The following YAF2 variants were observed in gnomAD, a reference collection of about 807,000 sequenced individuals.
YAF2 encodes the protein YY1-associated factor 2.
Under a neutral mutation model 20.1 loss-of-function variants are expected in YAF2, and 7 were observed. That is an observed-to-expected ratio of 0.35 (90% CI 0.20 to 0.65). The LOEUF (loss-of-function observed/expected upper bound fraction) is 0.65. Ranked by LOEUF, YAF2 falls within the 30% of genes least tolerant of loss-of-function variation. The pLI is 0.69. For missense variants in YAF2, 151 were observed against 219.2 expected (o/e 0.69, Z 1.96); for synonymous variants, 74 against 76.0 (o/e 0.97, Z 0.14).
chr12:42,187,769 T>C (rs367820744), intron 2 of YAF2, among the ~76,000 whole-genome samples: 16 of 152,358 alleles, frequency 1.1e-4, no homozygotes, highest in Middle Eastern at 6.8e-3. Flanking sequence ...ATCTCTTGCA[T>C]TCATGCCTTT....
Position 42,189,171 on chromosome 12 carries a change from T to C in YAF2, c.153-27406A>G, listed in dbSNP as rs147037145. Among the ~76,000 whole-genome samples, 361 of 152,278 alleles carry C rather than the reference T, an allele frequency of 2.4e-3. 1 individual carries two copies. Among genetic ancestry groups the C allele is most frequent in the Non-Finnish European group, 3.7e-3 (252 of 68,016 alleles). On this transcript the variant is annotated intron_variant, in intron 2 of 3. Coordinates refer to ENST00000534854, the MANE Select transcript of YAF2 (RefSeq NM_005748.6). The stretch of plus-strand genomic sequence containing the variant: ...AAAGTCACCATCTCAAGAAGATGTA[T>C]AAAATTTCCAAATCTTTTTCAGAAA...
chr12:42,209,097 G>A (rs2067132541), intron 2 of YAF2, among the ~76,000 whole-genome samples: 1 of 152,132 alleles, frequency 6.6e-6, no homozygotes, highest in South Asian at 2.1e-4. Context: ...GAGGAAATCA[G>A]GCAGCTCAAA....
chr12:42,228,013 A>G (rs1592055797), intron 2 of YAF2, among the ~76,000 whole-genome samples: 1 of 111,716 alleles, frequency 9.0e-6, no homozygotes, highest in Non-Finnish European at 1.9e-5. Context: ...CCCGTCCAGG[A>G]GGGAGGTGGG....
chr12:42,190,621 C>T (rs1176627705), intron 2 of YAF2, among the ~76,000 whole-genome samples: 1 of 151,832 alleles, frequency 6.6e-6, no homozygotes, highest in Non-Finnish European at 1.5e-5. Context: ...TTTTCATTTT[C>T]TAGTAATGAA....
intron 2 of YAF2, among the ~76,000 whole-genome samples, chr12:42,229,893 G>C (rs1043653349): frequency 2.6e-5 from 4 of 152,186 alleles, no homozygotes; most frequent in Non-Finnish European, 5.9e-5. Flanking sequence ...TGTCATTATG[G>C]AGTGCATGAC....
intron 2 of YAF2, among the ~76,000 whole-genome samples, chr12:42,206,949 ATTTACAACG>A (rs1298730026): frequency 6.6e-6 from 1 of 152,062 alleles, no homozygotes; most frequent in East Asian, 1.9e-4. Context: ...AATTGTTAAC[ATTTACAACG>A]TTTGCTTTAC....
intron 2 of YAF2, among the ~76,000 whole-genome samples, chr12:42,212,927 T>C (rs1362595882): frequency 6.6e-6 from 1 of 152,256 alleles, no homozygotes; most frequent in Admixed American, 6.5e-5. Context: ...TCTGCTAGTT[T>C]ACTAGACTCC....
intron 2 of YAF2, among the ~76,000 whole-genome samples, chr12:42,218,183 G>A (rs1022891158): frequency 3.9e-5 from 2 of 51,876 alleles, no homozygotes; most frequent in Admixed American, 2.6e-4. Flanking sequence ...AGGCTACTAG[G>A]AAACACACAC....
intron 2 of YAF2, among the ~76,000 whole-genome samples, chr12:42,201,041 G>A (rs1210718098): frequency 1.3e-5 from 2 of 152,184 alleles, no homozygotes; most frequent in Non-Finnish European, 2.9e-5. Context: ...AGTACAAGGA[G>A]TTTCTTAAGT....
At chr12:42,164,850 A>C (rs1482280860) in intron 2 of YAF2, among the ~76,000 whole-genome samples, 1 of 152,132 alleles carries the variant, frequency 6.6e-6, no homozygotes, top group African/African-American at 2.4e-5. Context: ...CAGGCAGATC[A>C]TTTGAGTCCA....
rs571765500 is a variant in YAF2, at chr12:42,216,936, C to T, written c.152+20663G>A. 2.0e-5 allele frequency among the ~76,000 whole-genome samples: 3 copies of T among 152,348 alleles called. No individual in the cohort carries two copies. In the South Asian group the frequency reaches 6.2e-4, roughly 32 times the overall value. On this transcript the variant is annotated intron_variant, in intron 2 of 3. Coordinates refer to ENST00000534854, the MANE Select transcript of YAF2 (RefSeq NM_005748.6). ...CTATGACCCAACTTCCTGCCTCCCACAACCATATCCAATCAACCATCAAGT... is the reference window on the plus strand; with the variant it reads ...CTATGACCCAACTTCCTGCCTCCCATAACCATATCCAATCAACCATCAAGT...
intron 2 of YAF2, among the ~76,000 whole-genome samples, chr12:42,236,204 T>C (rs747358278): frequency 3.9e-5 from 6 of 152,236 alleles, no homozygotes; most frequent in Non-Finnish European, 8.8e-5. Flanking sequence ...CTAACACAGA[T>C]ACACAAATAT....
intron 2 of YAF2, among the ~76,000 whole-genome samples, chr12:42,217,135 G>A (rs1361225878): frequency 3.3e-5 from 5 of 152,134 alleles, no homozygotes; most frequent in South Asian, 2.1e-4. Context: ...AAAATCTGTC[G>A]GCTGTGGTTT....
At chr12:42,214,905 A>G (rs184877914) in intron 2 of YAF2, among the ~76,000 whole-genome samples, 3 of 152,126 alleles carry the variant, frequency 2.0e-5, no homozygotes, top group Middle Eastern at 6.8e-3. Flanking sequence ...TCAGGAGGCT[A>G]AGGCAGGAGA....
chr12:42,160,371 G>A lies in YAF2; in HGVS notation c.*218C>T. Reference sequence around the variant, plus strand: ...TGAATAATTCAACCACATTTTCATGGCACTTAACTGCAGAGACCAAAATGT... The same window carrying A: ...TGAATAATTCAACCACATTTTCATGACACTTAACTGCAGAGACCAAAATGT... On this transcript the variant is annotated 3_prime_UTR_variant, in exon 4 of 4. Coordinates refer to ENST00000534854, the MANE Select transcript of YAF2 (RefSeq NM_005748.6). The A allele has an allele frequency of 2.0e-6, 1 of 496,316 alleles. No individual in the cohort carries two copies. The highest frequency in any genetic ancestry group is 3.6e-6 in the Non-Finnish European group (1 of 281,412). 30.7% of individuals were successfully genotyped at this position (496,316 alleles called of 1,614,324 possible). A position where few individuals can be genotyped will look rare whatever the true frequency, so the allele number is the denominator to read the frequency against.
intron 2 of YAF2, among the ~76,000 whole-genome samples, chr12:42,201,594 G>A (rs1185789909): frequency 1.3e-5 from 2 of 151,768 alleles, no homozygotes. Flanking sequence ...TGTTGCTGTT[G>A]CTGTTGTTGT....
intron 2 of YAF2, chr12:42,232,959 G>C: frequency 1.0e-6 from 1 of 985,306 alleles, no homozygotes; most frequent in Non-Finnish European, 1.2e-6. Flanking sequence ...CTCACATATA[G>C]AGCTTGGTAC....
At chr12:42,211,196 G>A (rs1324963259) in intron 2 of YAF2, among the ~76,000 whole-genome samples, 2 of 151,990 alleles carry the variant, frequency 1.3e-5, no homozygotes, top group Non-Finnish European at 2.9e-5. Context: ...GGAGGCTGAG[G>A]CAAGCAGATC....
intron 2 of YAF2, among the ~76,000 whole-genome samples, chr12:42,190,351 A>C (rs2066582660): frequency 1.3e-5 from 2 of 152,248 alleles, no homozygotes; most frequent in African/African-American, 4.8e-5. Flanking sequence ...GTCTCAAAAA[A>C]ATAAACAATA....
Sources: gnomAD v4.1 joint callset for allele counts (sites outside exome capture counted in the v4.1 genomes callset) on GRCh38, gnomAD v4.1.1 for gene constraint, MANE v1.5 for transcripts, NCBI Gene and HGNC (gene_info 2026-07-23, HGNC 2026-07-21) for gene names.